TRPA1: variants seen among roughly 807,000 people sequenced by gnomAD.
The protein encoded by TRPA1 is ankyrin-like with transmembrane domains 1.
In TRPA1, 129 loss-of-function variants were observed where a neutral mutation model predicts 131.3. The ratio of observed to expected loss-of-function variants is 0.98; its 90% CI spans 0.85 to 1.14. The LOEUF (loss-of-function observed/expected upper bound fraction) is 1.14, where lower values mean the gene tolerates loss of function less well. TRPA1 is among the 50% of genes most tolerant of loss of function. The pLI is 0.00. For missense variants in TRPA1, 1,304 were observed against 1,354.2 expected (o/e 0.96, Z 0.58); for synonymous variants, 441 against 451.7 (o/e 0.98, Z 0.30).
chr8:72,035,444 G>A (rs1434323262), intron 21 of TRPA1, among the ~76,000 whole-genome samples: 1 of 152,128 alleles, frequency 6.6e-6, no homozygotes, highest in African/African-American at 2.4e-5. Context: ...ATGCTTCCTG[G>A]AGTCAGAAAG....
chr8:72,028,215 G>A (rs1008146034), intron 24 of TRPA1, among the ~76,000 whole-genome samples: 1 of 152,186 alleles, frequency 6.6e-6, no homozygotes, highest in African/African-American at 2.4e-5. Flanking sequence ...CATTGCAGAA[G>A]GGCTGATAAT....
At chr8:72,058,086 G>A (rs988428723) in intron 8 of TRPA1, among the ~76,000 whole-genome samples, 4 of 152,022 alleles carry the variant, frequency 2.6e-5, no homozygotes, top group East Asian at 1.9e-4. Flanking sequence ...TCTTGTTACC[G>A]CTTGAACCAT....
intron 25 of TRPA1, 51 bp from the exon 26 acceptor site, chr8:72,023,962 T>C: frequency 7.7e-7 from 1 of 1,297,002 alleles, no homozygotes; most frequent in Non-Finnish European, 1.1e-6. Context: ...TTCAGGAACT[T>C]TTTCTTAAGC....
chr8:72,043,600 T>C (rs1028200135), intron 17 of TRPA1, among the ~76,000 whole-genome samples: 2 of 151,830 alleles, frequency 1.3e-5, no homozygotes, highest in Non-Finnish European at 2.9e-5. Flanking sequence ...TCTCAGACAT[T>C]ATCCTTTCAA....
At chr8:72,032,845 A>T (rs1811881518) in intron 23 of TRPA1, among the ~76,000 whole-genome samples, 1 of 152,226 alleles carries the variant, frequency 6.6e-6, no homozygotes, top group Non-Finnish European at 1.5e-5. Flanking sequence ...AGCACTGCCT[A>T]GTACAGTCTC....
chr8:72,077,096 C>G (rs547069835), upstream of TRPA1, among the ~76,000 whole-genome samples: 2 of 152,126 alleles, frequency 1.3e-5, no homozygotes, highest in African/African-American at 2.4e-5. Context: ...AATATTAAGA[C>G]TTTTTATTTT....
upstream of TRPA1, among the ~76,000 whole-genome samples, chr8:72,077,278 G>A (rs1359624622): frequency 2.5e-5 from 2 of 79,618 alleles, no homozygotes; most frequent in African/African-American, 1.0e-4. Flanking sequence ...GAGAGACAGG[G>A]GGTGACAGGG....
At chr8:72,045,115 AT>A (rs994563559) in intron 17 of TRPA1, among the ~76,000 whole-genome samples, 2 of 152,006 alleles carry the variant, frequency 1.3e-5, no homozygotes, top group African/African-American at 2.4e-5. Flanking sequence ...TGGGCTATTG[AT>A]TATGAACTAT....
At chr8:72,050,588 T>G (rs1294533884) in intron 15 of TRPA1, among the ~76,000 whole-genome samples, 190 bp downstream of exon 15, 1 of 152,176 alleles carries the variant, frequency 6.6e-6, no homozygotes, top group African/African-American at 2.4e-5. Flanking sequence ...TATTCTCTAT[T>G]ACATATAATA....
At chr8:72,037,906 G>A (rs1812110468) in intron 20 of TRPA1, 77 bp downstream of exon 20, 1 of 847,686 alleles carries the variant, frequency 1.2e-6, no homozygotes, top group African/African-American at 1.7e-5. Flanking sequence ...AATATCTCAA[G>A]TAATAGCTTA....
intron 2 of TRPA1, among the ~76,000 whole-genome samples, chr8:72,070,975 A>T (rs968151507): frequency 6.6e-6 from 1 of 152,146 alleles, no homozygotes; most frequent in Non-Finnish European, 1.5e-5. Flanking sequence ...TATTAGCCTA[A>T]TCTCCTAAAT....
In TRPA1 at chr8:72,035,807, C is replaced by T. The variant is rs187916886; in HGVS notation, c.2555+481G>A. Among the ~76,000 whole-genome samples, 367 of 151,898 alleles carry T rather than the reference C, an allele frequency of 2.4e-3. 1 individual carries two copies. The highest frequency in any genetic ancestry group is 4.3e-3 in the Non-Finnish European group (289 of 67,942). On this transcript the variant is annotated intron_variant, in intron 21 of 26. Transcript: ENST00000262209. ...CCAATACTTTTAATATTTACTCCCCCTGTTTAGTCCAGATTTGTCTAGACC... is the reference window on the plus strand; with the variant it reads ...CCAATACTTTTAATATTTACTCCCCTTGTTTAGTCCAGATTTGTCTAGACC...
Position 72,022,218 on chromosome 8 carries a change from T to C in TRPA1, c.*688A>G, listed in dbSNP as rs570396082. ...CAGGGATACTATATAGGTTTTACAT[T>C]TATTATGCTCATTGGCAAACAAAAC... On this transcript the variant is annotated 3_prime_UTR_variant, in exon 27 of 27. Transcript: ENST00000262209. 2 of 154,172 alleles carry C rather than the reference T, an allele frequency of 1.3e-5. No individual in the cohort carries two copies. The highest frequency in any genetic ancestry group is 1.9e-4 in the East Asian group (1 of 5,218). 9.6% of individuals were successfully genotyped at this position (154,172 alleles called of 1,614,324 possible). A position where few individuals can be genotyped will look rare whatever the true frequency, so the allele number is the denominator to read the frequency against.
intron 23 of TRPA1, among the ~76,000 whole-genome samples, chr8:72,033,146 T>A (rs975906472): frequency 5.3e-5 from 8 of 152,214 alleles, no homozygotes; most frequent in African/African-American, 1.9e-4. Flanking sequence ...CACTTGAATC[T>A]CTGGTCAATG....
At chr8:72,080,648 A>AT in the TRPA1 span, among the ~76,000 whole-genome samples, 6 of 151,450 alleles carry the variant, frequency 4.0e-5, no homozygotes, top group Non-Finnish European at 8.9e-5. Flanking sequence ...TATTGGTATT[A>AT]TTTTTTTTAA....
intron 19 of TRPA1, 70 bp downstream of exon 19, chr8:72,038,795 G>T: frequency 1.5e-6 from 2 of 1,340,176 alleles, no homozygotes; most frequent in East Asian, 2.5e-5. Flanking sequence ...TTTATTATGG[G>T]TTTAGTAGTC....
intron 14 of TRPA1, among the ~76,000 whole-genome samples, chr8:72,052,176 C>T (rs1374197290): frequency 6.6e-5 from 10 of 152,152 alleles, no homozygotes; most frequent in Admixed American, 6.5e-4. Context: ...AATGCCAATA[C>T]TTTGGGAGGC....
chr8:72,052,022 C>A (rs1388788484), intron 14 of TRPA1, among the ~76,000 whole-genome samples: 2 of 152,202 alleles, frequency 1.3e-5, no homozygotes, highest in Non-Finnish European at 2.9e-5. Flanking sequence ...GTTTGTAACA[C>A]AAATGATAAA....
rs181014237 is a variant in TRPA1 at position 72,052,673 on chromosome 8, C to A, written c.1737G>T (p.Gln579His). Reference protein sequence around the residue: ...SHNADIVLNKQQASFLHLALH... With the variant: ...SHNADIVLNKHQASFLHLALH... ...GTGCAAGGTGCAAAAAGGAGGCCTGCTGCTTGTTCAGGACTATGTCAGCAT... is the reference window on the plus strand; with the variant it reads ...GTGCAAGGTGCAAAAAGGAGGCCTGATGCTTGTTCAGGACTATGTCAGCAT... Residue 579 changes from glutamine to histidine, a missense_variant, in exon 14 of 27, where the codon CAG (glutamine) becomes CAT (histidine). By Grantham distance (24) the Gln-to-His change is conservative (BLOSUM62 0). Coordinates refer to ENST00000262209, the MANE Select transcript of TRPA1 (RefSeq NM_007332.3). 1.4e-5 allele frequency: 23 copies of A among 1,613,834 alleles called. No individual in the cohort carries two copies. In the East Asian group the frequency reaches 5.1e-4, roughly 36 times the overall value.
Sources: gnomAD v4.1 joint callset for allele counts (sites outside exome capture counted in the v4.1 genomes callset) on GRCh38, gnomAD v4.1.1 for gene constraint, MANE v1.5 for transcripts, NCBI Gene and HGNC (gene_info 2026-07-23, HGNC 2026-07-21) for gene names.